The following AADACL2 variants were observed in gnomAD, a reference collection of about 807,000 sequenced individuals.
The protein encoded by AADACL2 is arylacetamide deacetylase-like 2.
AADACL2 carries 23 observed loss-of-function variants against 22.3 expected under a neutral mutation model. The observed-to-expected ratio is 1.03, with a 90% confidence interval of 0.74 to 1.46. AADACL2 has a LOEUF of 1.46. Among genes scored for constraint, AADACL2 ranks in the 40% most tolerant of loss-of-function variants. The pLI, the probability that AADACL2 is intolerant of heterozygous loss-of-function variation, is 0.00. For missense variants in AADACL2, 472 were observed against 482.9 expected, an observed-to-expected ratio of 0.98 and a Z score of 0.21; for synonymous variants, 177 against 166.2, an observed-to-expected ratio of 1.07 and a Z score of -0.50.
intron 4 of AADACL2, among the ~76,000 whole-genome samples, chr3:151,754,904 T>C (rs16863615): frequency 0.22 from 32,816 of 152,006 alleles, 3,989 homozygotes; most frequent in African/African-American, 0.33. Flanking sequence ...CATTCCTTCA[T>C]GTCCATTTTA....
At chr3:151,738,379 G>A (rs1362329254) in intron 1 of AADACL2, among the ~76,000 whole-genome samples, 4 of 152,102 alleles carry the variant, frequency 2.6e-5, no homozygotes, top group Non-Finnish European at 5.9e-5. Context: ...TAGTCTGATG[G>A]GTCTCCCTTT....
intron 4 of AADACL2, among the ~76,000 whole-genome samples, chr3:151,751,844 G>A (rs1713681205): frequency 6.6e-6 from 1 of 152,116 alleles, no homozygotes; most frequent in Admixed American, 6.5e-5. Context: ...AAAATCTGTA[G>A]GGCAGCACAA....
rs199639346 is a variant in AADACL2 at position 151,740,563 on chromosome 3, C to T, written c.139-83C>T. ...TTTTTGTTTACCTTGCTTATTTTTT[C>T]TTCCTTTTTAACTTTCTTTTTAAAT... On this transcript the variant is annotated intron_variant, in intron 1 of 4. Coordinates refer to ENST00000356517, the MANE Select transcript of AADACL2 (RefSeq NM_207365.4). 8.8e-6 allele frequency: 8 copies of T among 912,882 alleles called. No homozygotes were observed. In the East Asian group the frequency reaches 1.4e-4, roughly 16 times the overall value. The allele number at this position is 912,882 out of a possible 1,614,324, so 56.5% of individuals were successfully genotyped here.
intron 4 of AADACL2, among the ~76,000 whole-genome samples, chr3:151,748,170 A>G (rs1198767729): frequency 1.3e-5 from 2 of 151,916 alleles, no homozygotes; most frequent in African/African-American, 4.8e-5. Context: ...TTGGAGTCAT[A>G]CCTCCCAAAT....
intron 2 of AADACL2, among the ~76,000 whole-genome samples, chr3:151,741,872 T>C (rs1401963): frequency 0.35 from 53,932 of 152,006 alleles, 9,798 homozygotes; most frequent in Middle Eastern, 0.5. Flanking sequence ...TTTACTGACA[T>C]AGGCAATGAT....
At chr3:151,739,542 C>T (rs1713207447) in intron 1 of AADACL2, among the ~76,000 whole-genome samples, 1 of 152,164 alleles carries the variant, frequency 6.6e-6, no homozygotes, top group African/African-American at 2.4e-5. Flanking sequence ...GAGAATTCTC[C>T]TTCTCAGGAT....
intron 1 of AADACL2, among the ~76,000 whole-genome samples, chr3:151,736,271 A>G (rs757861936): frequency 6.6e-6 from 1 of 151,330 alleles, no homozygotes; most frequent in Non-Finnish European, 1.5e-5. Flanking sequence ...TAAATATTTG[A>G]GATTTTCCTT....
chr3:151,760,946 T>C lies in AADACL2; in HGVS notation c.*3352T>C, dbSNP rs531258726. ...CCCCAATTTTCCCTTTTTATAAAGA[T>C]AGCAGTCAGATTAGATTAGGGCCTA... On this transcript the variant is annotated 3_prime_UTR_variant, in exon 5 of 5. Coordinates refer to ENST00000356517, the MANE Select transcript of AADACL2 (RefSeq NM_207365.4). The C allele has an allele frequency of 3.3e-5, 5 of 151,936 alleles. No homozygotes were observed. The highest frequency in any genetic ancestry group is 7.3e-5 in the African/African-American group (3 of 41,346). 9.4% of individuals were successfully genotyped at this position (151,936 alleles called of 1,614,324 possible).
chr3:151,752,264 A>C (rs1201216034), intron 4 of AADACL2, among the ~76,000 whole-genome samples: 1 of 152,228 alleles, frequency 6.6e-6, no homozygotes, highest in Non-Finnish European at 1.5e-5. Flanking sequence ...ATTCGGTATC[A>C]ATAATCACCA....
intron 3 of AADACL2, among the ~76,000 whole-genome samples, 195 bp from the exon 4 acceptor site, chr3:151,745,314 G>C (rs1713402738): frequency 6.6e-6 from 1 of 151,998 alleles, no homozygotes; most frequent in South Asian, 2.1e-4. Flanking sequence ...TTCCATTCAT[G>C]GATTTTAGGT....
rs1036061396 is a variant in AADACL2 at position 151,759,254 on chromosome 3, C to T, written c.*1660C>T. 3.9e-5 allele frequency: 6 copies of T among 152,086 alleles called. No individual in the cohort carries two copies. Among genetic ancestry groups the T allele is most frequent in the Non-Finnish European group, 5.9e-5 (4 of 67,976 alleles). The allele number at this position is 152,086 out of a possible 1,614,324, so 9.4% of individuals were successfully genotyped here. On this transcript the variant is annotated 3_prime_UTR_variant, in exon 5 of 5. Transcript: ENST00000356517. ...AATTTGTAATTTGTTTTTCATGATACTGAATCTGGTTCCAGTTCTTTTTCA... is the reference window on the plus strand; with the variant it reads ...AATTTGTAATTTGTTTTTCATGATATTGAATCTGGTTCCAGTTCTTTTTCA...
intron 2 of AADACL2, among the ~76,000 whole-genome samples, chr3:151,743,582 A>T (rs1713347143): frequency 6.6e-6 from 1 of 152,150 alleles, no homozygotes; most frequent in African/African-American, 2.4e-5. Context: ...ATGTTATTGG[A>T]CTATTTTATT....
chr3:151,759,302 G>A lies in AADACL2; in HGVS notation c.*1708G>A, dbSNP rs188912493. On this transcript the variant is annotated 3_prime_UTR_variant, in exon 5 of 5. Transcript: ENST00000356517. ...TCATCATTTAATATACTGGCTACCC[G>A]TTCTAATTAGGAAAACAAGTCCTAG... 2.1e-4 allele frequency: 32 copies of A among 152,068 alleles called. No individual in the cohort carries two copies. The highest frequency in any genetic ancestry group is 1.2e-3 in the South Asian group (6 of 4,812). The allele number at this position is 152,068 out of a possible 1,614,324, so 9.4% of individuals were successfully genotyped here.
chr3:151,756,014 TCC>T (rs1299322817), intron 4 of AADACL2, among the ~76,000 whole-genome samples: 1 of 152,130 alleles, frequency 6.6e-6, no homozygotes, highest in Non-Finnish European at 1.5e-5. Context: ...GGATACCATT[TCC>T]CTTTCTGAGG....
In AADACL2 at chr3:151,749,352, T is replaced by C. The variant is rs543041706; in HGVS notation, c.603+3672T>C. 5.3e-5 allele frequency among the ~76,000 whole-genome samples: 8 copies of C among 152,340 alleles called. No homozygotes were observed. In the South Asian group the frequency reaches 1.7e-3, roughly 32 times the overall value. On this transcript the variant is annotated intron_variant, in intron 4 of 4. Coordinates refer to ENST00000356517, the MANE Select transcript of AADACL2 (RefSeq NM_207365.4). ...TTTAAGATAGTTTGTTGTTGGTATA[T>C]AGAAATGCAAGTGATTTTTCTATGT...
intron 1 of AADACL2, among the ~76,000 whole-genome samples, chr3:151,736,302 C>CTTTTTTTTTTTTTTTTT (rs10575713): frequency 7.2e-6 from 1 of 138,392 alleles, no homozygotes; most frequent in South Asian, 2.2e-4. Flanking sequence ...AAGGATTTAT[C>CTTTTTTTTTTTTTTTTT]TTTTTTTTTT....
chr3:151,758,831 G>A lies in AADACL2; in HGVS notation c.*1237G>A, dbSNP rs1714050945. 6.6e-6 allele frequency: 1 copy of A among 152,002 alleles called. No individual in the cohort carries two copies. Among genetic ancestry groups the A allele is most frequent in the Non-Finnish European group, 1.5e-5 (1 of 67,946 alleles). 9.4% of individuals were successfully genotyped at this position (152,002 alleles called of 1,614,324 possible). A position where few individuals can be genotyped will look rare whatever the true frequency, so the allele number is the denominator to read the frequency against. On this transcript the variant is annotated 3_prime_UTR_variant, in exon 5 of 5. Transcript: ENST00000356517. The stretch of plus-strand genomic sequence containing the variant: ...TGTAGTAAGAAATGTGTATATGTAT[G>A]AGTATGTGCATGTGTGTGGGAAAAA...
intron 1 of AADACL2, among the ~76,000 whole-genome samples, chr3:151,737,126 T>TGTG (rs1713113329): frequency 2.0e-5 from 3 of 152,180 alleles, no homozygotes; most frequent in African/African-American, 7.2e-5. Flanking sequence ...TTAACACTGC[T>TGTG]TTAGCTGTGT....
chr3:151,744,486 T>G (rs1713377707), intron 3 of AADACL2, among the ~76,000 whole-genome samples: 1 of 152,128 alleles, frequency 6.6e-6, no homozygotes, highest in African/African-American at 2.4e-5. Flanking sequence ...ATTACACATT[T>G]GGGATACTGG....
Sources: allele counts gnomAD v4.1 joint callset (sites outside exome capture counted in the v4.1 genomes callset), GRCh38; gene constraint gnomAD v4.1.1; transcripts MANE v1.5; gene names NCBI Gene and HGNC (gene_info 2026-07-23, HGNC 2026-07-21).